Variants in XYLT1 observed in about 807,000 individuals in gnomAD.
The protein encoded by XYLT1 is beta-D-xylosyltransferase 1.
A neutral mutation model predicts 91.3 loss-of-function variants in XYLT1; 36 were observed. The observed-to-expected ratio is 0.39, with a 90% CI of 0.30 to 0.52. The LOEUF is 0.52. Ranked by LOEUF, XYLT1 falls within the 20% of genes least tolerant of loss-of-function variation. The pLI, the probability that XYLT1 is intolerant of heterozygous loss-of-function variation, is 0.68. For synonymous variants in XYLT1, 588 were observed against 532.0 expected (o/e 1.11, Z -1.45); for missense variants, 1,242 against 1,284.5 (o/e 0.97, Z 0.51).
Position 17,184,850 on chromosome 16 carries a change from AT to A in XYLT1, c.1289+13361del, listed in dbSNP as rs568668383. 2.0e-3 allele frequency among the ~76,000 whole-genome samples: 308 copies of A among 152,290 alleles called. 1 individual carries two copies. Among genetic ancestry groups the A allele is most frequent in the African/African-American group, 7.2e-3 (298 of 41,562 alleles). ...ATCACATTTTTCCCCAGGACTCTGA[AT>A]TTTTTTTGTTTTCCGTTGTGAAAGA... On this transcript the variant is annotated intron_variant, in intron 5 of 11. Coordinates refer to ENST00000261381, the MANE Select transcript of XYLT1 (RefSeq NM_022166.4).
intron 1 of XYLT1, among the ~76,000 whole-genome samples, chr16:17,432,229 A>G (rs961600502): frequency 4.6e-5 from 7 of 152,202 alleles, no homozygotes; most frequent in African/African-American, 1.7e-4. Context: ...GAATCTACCC[A>G]AGAGAAATGA....
chr16:17,118,496 C>T (rs767589042), intron 10 of XYLT1, among the ~76,000 whole-genome samples: 7 of 152,272 alleles, frequency 4.6e-5, no homozygotes, highest in Non-Finnish European at 7.4e-5. Flanking sequence ...CATTGCCTGT[C>T]ATCTACAGGG....
chr16:17,124,030 G>T (rs1403270486), intron 10 of XYLT1, among the ~76,000 whole-genome samples: 1 of 152,098 alleles, frequency 6.6e-6, no homozygotes, highest in African/African-American at 2.4e-5. Context: ...GAGTCCTCAG[G>T]TGCCAGGCAA....
chr16:17,236,931 G>A (rs2141728896), intron 3 of XYLT1, among the ~76,000 whole-genome samples: 1 of 152,238 alleles, frequency 6.6e-6, no homozygotes, highest in East Asian at 1.9e-4. Flanking sequence ...ACAAGTCCTG[G>A]GGCTTAGGAA....
rs977077981 is a variant in XYLT1, at chr16:17,105,113, C to G, written c.*3582G>C. ...GCTGGTGCTCCAAATCCTCAGTGAA[C>G]TTGGTTGTGAAAGGACTCTTTATTC... On this transcript the variant is annotated 3_prime_UTR_variant, in exon 12 of 12. Transcript: ENST00000261381. The G allele has an allele frequency of 2.0e-5, 3 of 152,218 alleles. No homozygotes were observed. Among genetic ancestry groups the G allele is most frequent in the Non-Finnish European group, 4.4e-5 (3 of 68,098 alleles). 9.4% of individuals were successfully genotyped at this position (152,218 alleles called of 1,614,324 possible).
intron 2 of XYLT1, among the ~76,000 whole-genome samples, chr16:17,323,794 A>G (rs1567374550): frequency 6.6e-6 from 1 of 152,146 alleles, no homozygotes; most frequent in Non-Finnish European, 1.5e-5. Context: ...CCAAGTCCCC[A>G]GATGAATATG....
At chr16:17,240,615 T>G (rs1386157617) in intron 3 of XYLT1, among the ~76,000 whole-genome samples, 1 of 152,176 alleles carries the variant, frequency 6.6e-6, no homozygotes, top group Non-Finnish European at 1.5e-5. Flanking sequence ...AATGTGAGAA[T>G]GAGAACTAAC....
At chr16:17,376,774 C>A (rs1269052790) in intron 1 of XYLT1, among the ~76,000 whole-genome samples, 2 of 136,386 alleles carry the variant, frequency 1.5e-5, no homozygotes, top group Non-Finnish European at 3.0e-5. Flanking sequence ...TTGCAGTGAG[C>A]CGAGATTGTG....
rs370427074 is a variant in XYLT1 at position 17,142,982 on chromosome 16, C to T, written c.1371-1613G>A. 6.6e-5 allele frequency among the ~76,000 whole-genome samples: 10 copies of T among 152,168 alleles called. No individual in the cohort carries two copies. In the East Asian group the frequency reaches 1.9e-3, roughly 29 times the overall value. On this transcript the variant is annotated intron_variant, in intron 6 of 11. Coordinates refer to ENST00000261381, the MANE Select transcript of XYLT1 (RefSeq NM_022166.4). Reference sequence around the variant, plus strand: ...CCTCCCCTGAATTTTTCCCATGAACCCTAGATTAATAACTCCTACTGTAGT... The same window carrying T: ...CCTCCCCTGAATTTTTCCCATGAACTCTAGATTAATAACTCCTACTGTAGT...
At chr16:17,220,713 G>T (rs6498669) in intron 3 of XYLT1, among the ~76,000 whole-genome samples, 130,699 of 152,150 alleles carry the variant, frequency 0.86, 56,566 homozygotes, top group East Asian at 1. Flanking sequence ...TCTCAGGTGA[G>T]TCACCCGCCT....
chr16:17,127,112 C>A (rs2030289687), intron 10 of XYLT1, among the ~76,000 whole-genome samples: 1 of 152,198 alleles, frequency 6.6e-6, no homozygotes, highest in South Asian at 2.1e-4. Context: ...AAAAACAAAG[C>A]TAGCTATGTG....
At chr16:17,137,403 CTG>C (rs2030776362) in intron 8 of XYLT1, 1 of 152,296 alleles carries the variant, frequency 6.6e-6, no homozygotes, top group Non-Finnish European at 1.5e-5. Flanking sequence ...CCCTGCCTTC[CTG>C]TGTTAGTGGT....
At chr16:17,416,471 C>T (rs138434714) in intron 1 of XYLT1, among the ~76,000 whole-genome samples, 13 of 152,262 alleles carry the variant, frequency 8.5e-5, no homozygotes, top group African/African-American at 2.6e-4. Context: ...GCCTGAGATG[C>T]GAAAGCACAG....
Position 17,297,934 on chromosome 16 carries a change from T to C in XYLT1, c.403-38436A>G, listed in dbSNP as rs553052341. On this transcript the variant is annotated intron_variant, in intron 2 of 11. Transcript: ENST00000261381. ...TACTCGGGAGGCTGAGGCAGGAGAA[T>C]GGCGTGAACCCGGGAGGTGGAGCTT... Among the ~76,000 whole-genome samples, 4 of 150,618 alleles carry C rather than the reference T, an allele frequency of 2.7e-5. No individual in the cohort carries two copies. In the East Asian group the frequency reaches 7.9e-4, roughly 30 times the overall value.
chr16:17,255,338 C>T (rs2033615600), intron 3 of XYLT1, among the ~76,000 whole-genome samples: 1 of 152,116 alleles, frequency 6.6e-6, no homozygotes, highest in Non-Finnish European at 1.5e-5. Flanking sequence ...GAACATAGCG[C>T]ATTTGTGTAT....
chr16:17,334,758 CT>C (rs1373125518), intron 2 of XYLT1, among the ~76,000 whole-genome samples: 1 of 152,168 alleles, frequency 6.6e-6, no homozygotes, highest in East Asian at 1.9e-4. Flanking sequence ...TGGCAGGTGC[CT>C]GTAGTCCCAG....
intron 2 of XYLT1, among the ~76,000 whole-genome samples, chr16:17,340,094 G>A (rs1567382151): frequency 6.6e-6 from 1 of 150,816 alleles, no homozygotes; most frequent in East Asian, 2.0e-4. Flanking sequence ...CTATCCATCT[G>A]CCCACCCATC....
At chr16:17,286,304 G>C (rs2034139940) in intron 2 of XYLT1, among the ~76,000 whole-genome samples, 1 of 152,114 alleles carries the variant, frequency 6.6e-6, no homozygotes, top group Non-Finnish European at 1.5e-5. Flanking sequence ...GTGGGAGGCT[G>C]GGGAGGGAGG....
At chr16:17,389,918 A>T (rs2035794064) in intron 1 of XYLT1, among the ~76,000 whole-genome samples, 1 of 152,194 alleles carries the variant, frequency 6.6e-6, no homozygotes, top group East Asian at 1.9e-4. Context: ...ATTCATTTAG[A>T]GCCTGAAGTC....
Sources: gnomAD v4.1 joint callset for allele counts (sites outside exome capture counted in the v4.1 genomes callset) on GRCh38, gnomAD v4.1.1 for gene constraint, MANE v1.5 for transcripts, NCBI Gene and HGNC (gene_info 2026-07-23, HGNC 2026-07-21) for gene names.